CDH18: variants seen among roughly 807,000 people sequenced by gnomAD.
CDH18 encodes the protein cadherin 18.
CDH18 carries 31 observed loss-of-function variants against 67.9 expected under a neutral mutation model. That is an observed-to-expected ratio of 0.46 (90% CI 0.34 to 0.62). The LOEUF (loss-of-function observed/expected upper bound fraction) is 0.62, where lower values mean the gene tolerates loss of function less well. Ranked by LOEUF, CDH18 falls within the 20% of genes least tolerant of loss-of-function variation. The probability of loss-of-function intolerance (pLI) is 0.01; values close to 1 mark genes in which losing one functional copy is unlikely to be tolerated. For missense variants in CDH18, 890 were observed against 975.5 expected (o/e 0.91, Z 1.17); for synonymous variants, 362 against 347.2 (o/e 1.04, Z -0.48).
intron 2 of CDH18, among the ~76,000 whole-genome samples, chr5:20,215,522 G>A (rs1293272115): frequency 2.0e-5 from 3 of 151,944 alleles, no homozygotes; most frequent in Admixed American, 6.6e-5. Flanking sequence ...CTTACACAGT[G>A]TTAGTGGGAG....
At chr5:20,418,034 T>C (rs1391902575) in intron 1 of CDH18, among the ~76,000 whole-genome samples, 1 of 152,088 alleles carries the variant, frequency 6.6e-6, no homozygotes, top group Non-Finnish European at 1.5e-5. Context: ...TTGAACATTT[T>C]CCACAGATAA....
chr5:19,797,259 T>C (rs761448169), intron 3 of CDH18, among the ~76,000 whole-genome samples: 4 of 151,874 alleles, frequency 2.6e-5, no homozygotes. Flanking sequence ...TTGGACAAAA[T>C]ACAATTTGGA....
At chr5:20,268,535 A>G (rs1745211902) in intron 1 of CDH18, among the ~76,000 whole-genome samples, 1 of 152,156 alleles carries the variant, frequency 6.6e-6, no homozygotes, top group African/African-American at 2.4e-5. Context: ...CAGGAATTTG[A>G]GACCAGCCTA....
chr5:20,537,591 T>C (rs942206614), intron 1 of CDH18, among the ~76,000 whole-genome samples: 1 of 152,142 alleles, frequency 6.6e-6, no homozygotes, highest in African/African-American at 2.4e-5. Context: ...GCTGCAACTT[T>C]AAGCGCTAAG....
In CDH18 at chr5:20,012,133, C is replaced by G. The variant is rs182292851; in HGVS notation, c.-517-20119G>C. Among the ~76,000 whole-genome samples the G allele has an allele frequency of 3.0e-3, 451 of 151,692 alleles. 3 individuals carry two copies. Among genetic ancestry groups the G allele is most frequent in the African/African-American group, 0.01 (421 of 41,408 alleles). On this transcript the variant is annotated intron_variant, in intron 2 of 14. Coordinates refer to the CDH18 transcript ENST00000507958. ...TTCAGAACTCATTATTGGTCTGTTC[C>G]ATGGTTCAATTTCTTCCTGGTTCAG...
chr5:20,123,434 GT>G (rs1286962058), intron 2 of CDH18, among the ~76,000 whole-genome samples: 1 of 152,160 alleles, frequency 6.6e-6, no homozygotes, highest in Non-Finnish European at 1.5e-5. Context: ...CAAATGTATA[GT>G]CTGAGACCTT....
chr5:20,112,994 G>A (rs1747603191), intron 2 of CDH18, among the ~76,000 whole-genome samples: 1 of 152,106 alleles, frequency 6.6e-6, no homozygotes, highest in Non-Finnish European at 1.5e-5. Flanking sequence ...ATGAAAAGAA[G>A]GTTGCTTTGG....
At chr5:19,585,874 T>A (rs1744061107) in intron 7 of CDH18, among the ~76,000 whole-genome samples, 1 of 152,194 alleles carries the variant, frequency 6.6e-6, no homozygotes, top group Non-Finnish European at 1.5e-5. Context: ...CAAAGAATAA[T>A]CACATATCTT....
intron 2 of CDH18, among the ~76,000 whole-genome samples, chr5:20,176,310 T>C (rs1321098912): frequency 6.6e-6 from 1 of 152,178 alleles, no homozygotes; most frequent in African/African-American, 2.4e-5. Context: ...GTTTTCAAAA[T>C]AGTTCATATT....
At chr5:20,115,907 C>CCTT (rs1747870108) in intron 2 of CDH18, among the ~76,000 whole-genome samples, 1 of 152,044 alleles carries the variant, frequency 6.6e-6, no homozygotes, top group Admixed American at 6.6e-5. Context: ...ATGTCCCAGG[C>CCTT]CTGGAAGACT....
chr5:19,608,011 A>G (rs1337952404), intron 6 of CDH18, among the ~76,000 whole-genome samples: 1 of 151,708 alleles, frequency 6.6e-6, no homozygotes, highest in African/African-American at 2.4e-5. Flanking sequence ...TGCATCTAAG[A>G]AAAATTAAAC....
At chr5:20,483,861 A>G (rs1348397296) in intron 1 of CDH18, among the ~76,000 whole-genome samples, 1 of 152,066 alleles carries the variant, frequency 6.6e-6, no homozygotes, top group African/African-American at 2.4e-5. Flanking sequence ...TCTGTAGAAC[A>G]CTGGTCTGGG....
chr5:20,338,785 C>T (rs923898619), intron 1 of CDH18, among the ~76,000 whole-genome samples: 6 of 152,190 alleles, frequency 3.9e-5, no homozygotes, highest in African/African-American at 1.4e-4. Flanking sequence ...AGCACCCCTT[C>T]CATTGAGGTT....
At chr5:19,608,528 C>T (rs1236565999) in intron 6 of CDH18, among the ~76,000 whole-genome samples, 2 of 151,390 alleles carry the variant, frequency 1.3e-5, no homozygotes, top group Non-Finnish European at 3.0e-5. Context: ...AAATCAATGC[C>T]AATATCTTCA....
intron 1 of CDH18, among the ~76,000 whole-genome samples, chr5:20,406,489 A>G (rs112246964): frequency 0.01 from 1,575 of 152,084 alleles, 31 homozygotes; most frequent in African/African-American, 0.036. Context: ...TGACGAGTTA[A>G]TGGGTGCAGC....
intron 1 of CDH18, among the ~76,000 whole-genome samples, chr5:20,321,973 G>C (rs2150008338): frequency 6.6e-6 from 1 of 152,060 alleles, no homozygotes; most frequent in South Asian, 2.1e-4. Flanking sequence ...AGGCTTAATT[G>C]ATATATTTAA....
intron 1 of CDH18, among the ~76,000 whole-genome samples, chr5:20,474,453 C>T (rs1233359156): frequency 6.6e-6 from 1 of 152,150 alleles, no homozygotes; most frequent in East Asian, 1.9e-4. Flanking sequence ...AAGAAACATA[C>T]ACATGGGACC....
intron 1 of CDH18, among the ~76,000 whole-genome samples, chr5:20,539,756 AAACAC>A (rs1756949381): frequency 1.8e-5 from 1 of 54,894 alleles, no homozygotes; most frequent in African/African-American, 4.1e-5. Flanking sequence ...ACACACACAC[AAACAC>A]ACACACACAC....
At chr5:19,723,116 A>T (rs1217735916) in intron 4 of CDH18, among the ~76,000 whole-genome samples, 4 of 152,110 alleles carry the variant, frequency 2.6e-5, no homozygotes, top group Admixed American at 6.6e-5. Context: ...TAAAAATACA[A>T]AAATTAGCTG....
Sources: gnomAD v4.1 joint callset for allele counts (sites outside exome capture counted in the v4.1 genomes callset) on GRCh38, gnomAD v4.1.1 for gene constraint, MANE v1.5 for transcripts, NCBI Gene and HGNC (gene_info 2026-07-23, HGNC 2026-07-21) for gene names.